The following ZMYND8 variants were observed in gnomAD, a reference collection of about 807,000 sequenced individuals.
The protein encoded by ZMYND8 is zinc finger MYND-type containing 8.
In ZMYND8, 37 loss-of-function variants were observed where a neutral mutation model predicts 140.8. That is an observed-to-expected ratio of 0.26 (90% CI 0.20 to 0.35). The LOEUF is 0.35. ZMYND8 is among the 10% of genes least tolerant of loss of function. The pLI is 1.00. For synonymous variants in ZMYND8, 592 were observed against 597.1 expected (o/e 0.99, Z 0.12); for missense variants, 1,068 against 1,570.0 (o/e 0.68, Z 5.40).
At chr20:47,271,188 C>T (rs1253251576) in intron 11 of ZMYND8, among the ~76,000 whole-genome samples, 1 of 152,152 alleles carries the variant, frequency 6.6e-6, no homozygotes, top group South Asian at 2.1e-4. Context: ...CAGAAAGGCA[C>T]AACTCTCTAG....
intron 11 of ZMYND8, among the ~76,000 whole-genome samples, chr20:47,272,268 G>A (rs533313328): frequency 2.6e-5 from 4 of 151,922 alleles, no homozygotes; most frequent in East Asian, 1.9e-4. Flanking sequence ...TAGTAGAGAC[G>A]GGGTTTCACC....
chr20:47,291,734 G>A, intron 6 of ZMYND8, 62 bp downstream of exon 6: 1 of 1,348,312 alleles, frequency 7.4e-7, no homozygotes, highest in East Asian at 2.5e-5. Flanking sequence ...AGGCAGTGAG[G>A]GAAGAGCCTT....
chr20:47,215,809 G>A (rs938914767), intron 21 of ZMYND8, among the ~76,000 whole-genome samples: 1 of 152,214 alleles, frequency 6.6e-6, no homozygotes, highest in Non-Finnish European at 1.5e-5. Flanking sequence ...ACTAGCCACA[G>A]TTCAAGGCTT....
chr20:47,246,553 T>C lies in ZMYND8; in HGVS notation c.1775-36A>G, dbSNP rs1295280499. 5.9e-6 allele frequency: 9 copies of C among 1,533,488 alleles called. No homozygotes were observed. The South Asian group carries it at 8.8e-5, about 15-fold the overall frequency. 95.0% of individuals were successfully genotyped at this position (1,533,488 alleles called of 1,614,324 possible). A position where few individuals can be genotyped will look rare whatever the true frequency, so the allele number is the denominator to read the frequency against. Reference sequence around the variant, plus strand: ...AAAGAAAACCCAGCATGTGGCGTAGTCACAAAATAAAGAGCAGGATGAAAA... The same window carrying C: ...AAAGAAAACCCAGCATGTGGCGTAGCCACAAAATAAAGAGCAGGATGAAAA... On this transcript the variant is annotated intron_variant, in intron 13 of 22. Transcript: ENST00000471951.
intron 11 of ZMYND8, among the ~76,000 whole-genome samples, chr20:47,271,827 G>A (rs932661153): frequency 2.6e-5 from 4 of 152,040 alleles, no homozygotes; most frequent in South Asian, 2.1e-4. Flanking sequence ...GACTGCAGGC[G>A]TGTGCCACCA....
chr20:47,302,408 G>T (rs1199115953), intron 3 of ZMYND8, among the ~76,000 whole-genome samples: 32 of 152,126 alleles, frequency 2.1e-4, no homozygotes, highest in Non-Finnish European at 1.2e-4. Context: ...AGTGAGCCAA[G>T]ATTACACCAC....
intron 6 of ZMYND8, among the ~76,000 whole-genome samples, chr20:47,290,837 C>G (rs1320067554): frequency 2.0e-5 from 3 of 151,936 alleles, no homozygotes; most frequent in South Asian, 2.1e-4. Flanking sequence ...ATGATCCGCC[C>G]GCCTCAGCCT....
At chr20:47,352,527 T>G in intron 1 of ZMYND8, 1 of 985,534 alleles carries the variant, frequency 1.0e-6, no homozygotes, top group African/African-American at 1.7e-5. Context: ...GAATTAACAA[T>G]GGGTTTTGCA....
intron 19 of ZMYND8, 148 bp from the exon 20 acceptor site, chr20:47,221,622 C>T (rs988026576): frequency 7.1e-5 from 66 of 934,520 alleles, no homozygotes; most frequent in Non-Finnish European, 9.5e-5. Context: ...GGCCAGATTG[C>T]CAGAGTTTTC....
At chr20:47,327,379 TG>T (rs1292188708) in intron 2 of ZMYND8, among the ~76,000 whole-genome samples, 2 of 150,572 alleles carry the variant, frequency 1.3e-5, no homozygotes, top group Non-Finnish European at 3.0e-5. Context: ...ATAGGCCAGG[TG>T]CGGTGGCTCA....
chr20:47,318,411 C>T (rs574648147), intron 2 of ZMYND8: 35 of 332,374 alleles, frequency 1.1e-4, no homozygotes, highest in Middle Eastern at 1.0e-3. Flanking sequence ...GGTACCCAAA[C>T]AGGCCTCCCT....
At chr20:47,310,535 T>C (rs1203848508) in intron 2 of ZMYND8, among the ~76,000 whole-genome samples, 1 of 151,960 alleles carries the variant, frequency 6.6e-6, no homozygotes, top group Non-Finnish European at 1.5e-5. Flanking sequence ...CGGTGGCTCA[T>C]GCCTGTAATC....
intron 22 of ZMYND8, 118 bp downstream of exon 22, chr20:47,212,524 C>A (rs1475809002): frequency 7.5e-6 from 9 of 1,206,262 alleles, no homozygotes; most frequent in Middle Eastern, 2.6e-4. Flanking sequence ...ACCCACAACT[C>A]AAAAGAACAG....
At chr20:47,269,762 G>A (rs962567285) in intron 11 of ZMYND8, among the ~76,000 whole-genome samples, 13 of 152,292 alleles carry the variant, frequency 8.5e-5, no homozygotes, top group Middle Eastern at 3.4e-3. Flanking sequence ...AATGATTCAC[G>A]CTAAATGTCC....
intron 2 of ZMYND8, among the ~76,000 whole-genome samples, chr20:47,313,991 C>CA (rs1310403202): frequency 2.0e-5 from 3 of 151,830 alleles, no homozygotes; most frequent in Non-Finnish European, 2.9e-5. Flanking sequence ...ATATTCCTCC[C>CA]AAAAAAAGAT....
chr20:47,344,203 C>G (rs1213822341), intron 2 of ZMYND8, among the ~76,000 whole-genome samples: 1 of 152,006 alleles, frequency 6.6e-6, no homozygotes, highest in Non-Finnish European at 1.5e-5. Context: ...GTCTCGAACT[C>G]TTGACCTCAG....
chr20:47,275,005 G>C (rs536570163), intron 11 of ZMYND8, among the ~76,000 whole-genome samples: 1 of 151,944 alleles, frequency 6.6e-6, no homozygotes, highest in East Asian at 1.9e-4. Context: ...GAGAGGGAGG[G>C]AGAGAGAGAG....
intron 12 of ZMYND8, among the ~76,000 whole-genome samples, chr20:47,258,582 C>A (rs2074927561): frequency 6.6e-6 from 1 of 152,190 alleles, no homozygotes; most frequent in Admixed American, 6.5e-5. Flanking sequence ...CCAGCTATCA[C>A]TCATCTGTTC....
Position 47,262,932 on chromosome 20 carries a change from G to T in ZMYND8, c.1481-504C>A, listed in dbSNP as rs528353253. ...CAGCTCCCATTTCAAAGGTTCTTGA[G>T]GCTATGTAAAGCCAAACCCAGTACC... On this transcript the variant is annotated intron_variant, in intron 11 of 22. Transcript: ENST00000471951. Among the ~76,000 whole-genome samples, 6 of 152,284 alleles carry T rather than the reference G, an allele frequency of 3.9e-5. 1 individual carries two copies. In the South Asian group the frequency reaches 1.2e-3, roughly 32 times the overall value.
Sources: gnomAD v4.1 joint callset for allele counts (sites outside exome capture counted in the v4.1 genomes callset) on GRCh38, gnomAD v4.1.1 for gene constraint, MANE v1.5 for transcripts, NCBI Gene and HGNC (gene_info 2026-07-23, HGNC 2026-07-21) for gene names.